Variants in SMURF2 observed in about 807,000 individuals in gnomAD.
SMURF2 encodes SMAD specific E3 ubiquitin protein ligase 2.
Under a neutral mutation model 109.6 loss-of-function variants are expected in SMURF2, and 48 were observed. The observed-to-expected ratio is 0.44, with a 90% CI of 0.35 to 0.56. The LOEUF (loss-of-function observed/expected upper bound fraction) is 0.56, where lower values mean the gene tolerates loss of function less well. Ranked by LOEUF, SMURF2 falls within the 20% of genes least tolerant of loss-of-function variation. The pLI is 0.01. For synonymous variants in SMURF2, 288 were observed against 317.1 expected (o/e 0.91, Z 0.97); for missense variants, 575 against 909.0 (o/e 0.63, Z 4.72).
chr17:64,662,114 G>A lies in SMURF2; in HGVS notation c.-234C>T, dbSNP rs1337240145. On this transcript the variant is annotated 5_prime_UTR_variant, in exon 1 of 19. Coordinates refer to ENST00000262435, the MANE Select transcript of SMURF2 (RefSeq NM_022739.4). ...CTCGGCCCGGGCCGCACAACAAAGC[G>A]GCAGCCGCGGCCGCCCGCGCCGCCT... is the stretch of plus-strand genomic sequence containing the variant. The A allele has an allele frequency of 1.9e-6, 2 of 1,049,470 alleles. No homozygotes were observed. Among genetic ancestry groups the A allele is most frequent in the Non-Finnish European group, 2.3e-6 (2 of 872,110 alleles). 65.0% of individuals were successfully genotyped at this position (1,049,470 alleles called of 1,614,324 possible).
Position 64,546,058 on chromosome 17 carries a change from G to A in SMURF2, c.2148-111C>T. On this transcript the variant is annotated intron_variant, in intron 18 of 18. Transcript: ENST00000262435. ...CTCTGTGTCACACAGAAAACTAAAA[G>A]GTATTTCTCTAAAACAGAGATGACC... The A allele has an allele frequency of 5.8e-6, 5 of 867,866 alleles. No individual in the cohort carries two copies. The East Asian group carries it at 1.3e-4, about 22-fold the overall frequency. 53.8% of individuals were successfully genotyped at this position (867,866 alleles called of 1,614,324 possible).
intron 1 of SMURF2, among the ~76,000 whole-genome samples, chr17:64,608,043 A>AAATAAATAAATCAATC (rs1401811277): frequency 3.4e-5 from 5 of 148,824 alleles, no homozygotes; most frequent in African/African-American, 1.2e-4. Flanking sequence ...ATAAATAAAT[A>AAATAAATAAATCAATC]AATCTGCTTA....
intron 1 of SMURF2, among the ~76,000 whole-genome samples, chr17:64,649,041 T>C (rs1272651377): frequency 1.3e-5 from 2 of 152,200 alleles, no homozygotes; most frequent in East Asian, 3.8e-4. Context: ...ATGTAAAGCC[T>C]GATGACACAA....
chr17:64,576,873 CTTTTTTTTTTTT>C (rs782057854), intron 9 of SMURF2, among the ~76,000 whole-genome samples: 3 of 81,484 alleles, frequency 3.7e-5, no homozygotes, highest in South Asian at 3.6e-4. Flanking sequence ...TTTTTCTATC[CTTTTTTTTTTTT>C]TTTTTTTTTT....
chr17:64,545,788 G>T lies in SMURF2; in HGVS notation c.*60C>A. 2.8e-6 allele frequency: 2 copies of T among 707,190 alleles called. No homozygotes were observed. Among genetic ancestry groups the T allele is most frequent in the Non-Finnish European group, 4.8e-6 (2 of 414,936 alleles). 43.8% of individuals were successfully genotyped at this position (707,190 alleles called of 1,614,324 possible). A position where few individuals can be genotyped will look rare whatever the true frequency, so the allele number is the denominator to read the frequency against. On this transcript the variant is annotated 3_prime_UTR_variant, in exon 19 of 19. Transcript: ENST00000262435. ...TCAGCATATTCTTTGAAACTCTGCT[G>T]AAAGGAGGCTGTCAGTCAGGGTTGT...
At chr17:64,601,890 T>G (rs1555688609) in intron 2 of SMURF2, among the ~76,000 whole-genome samples, 1 of 147,584 alleles carries the variant, frequency 6.8e-6, no homozygotes, top group Non-Finnish European at 1.5e-5. Context: ...ATTATATAAT[T>G]ATATATGTAT....
chr17:64,597,814 G>A (rs1312249010), intron 3 of SMURF2, among the ~76,000 whole-genome samples: 1 of 151,394 alleles, frequency 6.6e-6, no homozygotes, highest in Non-Finnish European at 1.5e-5. Flanking sequence ...AGAAAACTGT[G>A]ATGCTATAAA....
At chr17:64,610,769 T>A (rs564375746) in intron 1 of SMURF2, among the ~76,000 whole-genome samples, 1 of 152,102 alleles carries the variant, frequency 6.6e-6, no homozygotes, top group South Asian at 2.1e-4. Context: ...AAAACATTTT[T>A]AAAAAGAACT....
At chr17:64,595,331 A>T (rs1393906214) in intron 3 of SMURF2, among the ~76,000 whole-genome samples, 2 of 152,250 alleles carry the variant, frequency 1.3e-5, no homozygotes, top group Non-Finnish European at 2.9e-5. Flanking sequence ...CCAGAAATGA[A>T]TCCAAAATAT....
In SMURF2 at chr17:64,662,006, G is replaced by A. The variant is rs1305469046; in HGVS notation, c.-126C>T. On this transcript the variant is annotated 5_prime_UTR_variant, in exon 1 of 19. Coordinates refer to ENST00000262435, the MANE Select transcript of SMURF2 (RefSeq NM_022739.4). ...GGCGCCTCGGCCGCCACGGCCGGAG[G>A]GTCCCGGATGTGCCGAGAGTCGTCG... The A allele has an allele frequency of 8.2e-5, 91 of 1,112,758 alleles. No individual in the cohort carries two copies. The highest frequency in any genetic ancestry group is 9.6e-5 in the Non-Finnish European group (88 of 912,396). 68.9% of individuals were successfully genotyped at this position (1,112,758 alleles called of 1,614,324 possible). A position where few individuals can be genotyped will look rare whatever the true frequency, so the allele number is the denominator to read the frequency against.
At chr17:64,591,185 T>C in intron 4 of SMURF2, 36 bp from the exon 5 acceptor site, 2 of 1,514,978 alleles carry the variant, frequency 1.3e-6, no homozygotes, top group Non-Finnish European at 1.8e-6. Context: ...ACGAAAAAAT[T>C]AGCTGGTATC....
intron 1 of SMURF2, among the ~76,000 whole-genome samples, chr17:64,623,764 C>CAGA (rs1277384772): frequency 6.6e-6 from 1 of 152,292 alleles, no homozygotes; most frequent in Non-Finnish European, 1.5e-5. Context: ...ACATTAGCAG[C>CAGA]AGAAGAAAAA....
At chr17:64,556,134 T>A in intron 13 of SMURF2, 136 bp from the exon 14 acceptor site, 2 of 548,526 alleles carry the variant, frequency 3.6e-6, no homozygotes, top group Non-Finnish European at 6.4e-6. Flanking sequence ...CAGGAGGGAG[T>A]ATTTCTCTAG....
At chr17:64,659,614 C>A (rs1970748861) in intron 1 of SMURF2, among the ~76,000 whole-genome samples, 1 of 151,394 alleles carries the variant, frequency 6.6e-6, no homozygotes, top group Non-Finnish European at 1.5e-5. Flanking sequence ...CAGCTCCAGA[C>A]CAATTCCTGG....
chr17:64,599,214 G>T (rs1568189558), intron 2 of SMURF2, among the ~76,000 whole-genome samples: 2 of 152,094 alleles, frequency 1.3e-5, no homozygotes, highest in South Asian at 4.1e-4. Context: ...TACTGATGAG[G>T]AAACCAAGGC....
intron 1 of SMURF2, among the ~76,000 whole-genome samples, chr17:64,624,216 G>A (rs148529400): frequency 8.5e-5 from 13 of 152,258 alleles, no homozygotes; most frequent in African/African-American, 3.1e-4. Flanking sequence ...ACTGCCTTAG[G>A]TCAGGCACAG....
At chr17:64,561,030 TAGC>T (rs1555684474) in intron 12 of SMURF2, 1 of 151,658 alleles carries the variant, frequency 6.6e-6, no homozygotes, top group East Asian at 1.9e-4. Context: ...GTTACAAATG[TAGC>T]AGAAGCATTC....
At chr17:64,651,404 T>C (rs1246875797) in intron 1 of SMURF2, among the ~76,000 whole-genome samples, 1 of 148,414 alleles carries the variant, frequency 6.7e-6, no homozygotes, top group African/African-American at 2.5e-5. Context: ...AAACCCTGTC[T>C]CTACTAAAAA....
At position 64,580,927 on chromosome 17, in the gene SMURF2, T is replaced by A; in HGVS notation, c.634A>T (p.Ile212Phe). The A allele has an allele frequency of 6.2e-7, 1 of 1,614,212 alleles. No individual in the cohort carries two copies. Among genetic ancestry groups the A allele is most frequent in the Non-Finnish European group, 8.5e-7 (1 of 1,180,020 alleles). The change falls in exon 8 of 19, where the codon ATT (isoleucine) becomes TTT (phenylalanine). Residue 212 changes from isoleucine (I) to phenylalanine (F), a missense_variant. Ile to Phe is a conservative substitution (Grantham distance 21). Around this residue, in one of 5 missense-constraint regions of SMURF2, gnomAD observed 151 missense variants for 178.4 expected, o/e 0.85. Coordinates refer to ENST00000262435, the MANE Select transcript of SMURF2 (RefSeq NM_022739.4). ...LSCFVDENTP[I>F]SGTNGATCGQ... ...CATGTTGCACCATTTGTTCCACTAATTGGAGTGTTCTCATCAACAAAGCAG... is the reference window on the plus strand; with the variant it reads ...CATGTTGCACCATTTGTTCCACTAAATGGAGTGTTCTCATCAACAAAGCAG...
Sources: gnomAD v4.1 joint callset for allele counts (sites outside exome capture counted in the v4.1 genomes callset) on GRCh38, gnomAD v4.1.1 for gene constraint, gnomAD v4.1.1 regional missense constraint, MANE v1.5 for transcripts, NCBI Gene and HGNC (gene_info 2026-07-23, HGNC 2026-07-21) for gene names.